The following MYRFL variants were observed in gnomAD, a reference collection of about 807,000 sequenced individuals.
MYRFL encodes myelin regulatory factor-like protein.
In MYRFL, 88 loss-of-function variants were observed where a neutral mutation model predicts 109.4. The observed-to-expected ratio is 0.80, with a 90% CI of 0.68 to 0.96. MYRFL has a LOEUF of 0.96. Among genes scored for constraint, MYRFL ranks in the 40% least tolerant of loss-of-function variants. The pLI, the probability that MYRFL is intolerant of heterozygous loss-of-function variation, is 0.00. For missense variants in MYRFL, 957 were observed against 954.9 expected (o/e 1.00, Z -0.03); for synonymous variants, 324 against 320.9 (o/e 1.01, Z -0.10).
At position 69,891,130 on chromosome 12, in the gene MYRFL, A is replaced by C; in HGVS notation, c.867A>C (p.Pro289=). Residue 289 remains proline (P), a synonymous_variant, in exon 7 of 25, where the codon CCA becomes CCC. Transcript: ENST00000552032. The part of the protein sequence containing the change: ...KFVETEMGLK[P]IEMFYLKVFG... The stretch of plus-strand genomic sequence containing the variant: ...TTGAAACCGAGATGGGCCTAAAGCC[A>C]ATAGAAATGTTTTACTTGAAAGTTT... The C allele has an allele frequency of 6.6e-7, 1 of 1,526,460 alleles. No individual in the cohort carries two copies. The allele number at this position is 1,526,460 out of a possible 1,614,324, so 94.6% of individuals were successfully genotyped here.
chr12:69,856,550 A>G (rs1404146527), intron 2 of MYRFL, among the ~76,000 whole-genome samples: 1 of 152,050 alleles, frequency 6.6e-6, no homozygotes, highest in African/African-American at 2.4e-5. Flanking sequence ...CTTCATTGCC[A>G]ATTCTTGGGT....
chr12:69,853,435 C>G, intron 1 of MYRFL, among the ~76,000 whole-genome samples: 1 of 150,142 alleles, frequency 6.7e-6, no homozygotes, highest in Non-Finnish European at 1.5e-5. Flanking sequence ...ACCTCCCAGA[C>G]GGGGTGGTGG....
At chr12:69,882,124 A>T (rs781263690) in intron 5 of MYRFL, among the ~76,000 whole-genome samples, 2 of 152,160 alleles carry the variant, frequency 1.3e-5, no homozygotes, top group African/African-American at 2.4e-5. Context: ...TTGATTCATC[A>T]CCATCTTCAG....
chr12:69,878,894 C>A, intron 2 of MYRFL, 134 bp from the exon 3 acceptor site: 1 of 658,198 alleles, frequency 1.5e-6, no homozygotes, highest in Middle Eastern at 2.5e-4. Context: ...ACTTCCCAAA[C>A]CCCTCACCCC....
At chr12:69,886,279 A>G (rs1886442992) in intron 5 of MYRFL, among the ~76,000 whole-genome samples, 1 of 152,158 alleles carries the variant, frequency 6.6e-6, no homozygotes, top group South Asian at 2.1e-4. Context: ...CTGTGCTGGC[A>G]TCATTCCCAG....
At chr12:69,867,511 G>C (rs1474447511) in intron 2 of MYRFL, among the ~76,000 whole-genome samples, 1 of 152,150 alleles carries the variant, frequency 6.6e-6, no homozygotes, top group Non-Finnish European at 1.5e-5. Flanking sequence ...TGAGGACACT[G>C]GTGTTTGAAT....
At chr12:69,914,021 C>T (rs1284529256) in intron 13 of MYRFL, among the ~76,000 whole-genome samples, 1 of 152,094 alleles carries the variant, frequency 6.6e-6, no homozygotes, top group Non-Finnish European at 1.5e-5. Flanking sequence ...TACCATGTTG[C>T]TTAGTTAATT....
At chr12:69,932,408 T>G (rs536146288) in intron 15 of MYRFL, 105 bp from the exon 16 acceptor site, 1 of 717,546 alleles carries the variant, frequency 1.4e-6, no homozygotes, top group East Asian at 2.7e-5. Context: ...ACTCAAACTA[T>G]CCCAAGAGAG....
chr12:69,890,314 G>A (rs1285634516), intron 6 of MYRFL, among the ~76,000 whole-genome samples: 1 of 152,136 alleles, frequency 6.6e-6, no homozygotes, highest in Non-Finnish European at 1.5e-5. Flanking sequence ...ACAAGTCTAA[G>A]TAATGTGTTG....
chr12:69,881,485 A>G (rs922606655), intron 5 of MYRFL, among the ~76,000 whole-genome samples: 4 of 152,304 alleles, frequency 2.6e-5, no homozygotes, highest in African/African-American at 7.2e-5. Flanking sequence ...GTGGGAAAAA[A>G]CACAGTCTCT....
At chr12:69,924,814 A>G (rs1466448839) in intron 13 of MYRFL, among the ~76,000 whole-genome samples, 9 of 152,156 alleles carry the variant, frequency 5.9e-5, no homozygotes, top group Non-Finnish European at 1.0e-4. Flanking sequence ...GTTTTCTTGA[A>G]GCAAACATAG....
chr12:69,861,186 C>T (rs1354346746), intron 2 of MYRFL, among the ~76,000 whole-genome samples: 7 of 151,118 alleles, frequency 4.6e-5, no homozygotes, highest in Non-Finnish European at 8.9e-5. Flanking sequence ...TTTGCTATTG[C>T]GAATAGTGCC....
At chr12:69,834,302 A>T (rs1172356092) in intron 1 of MYRFL, among the ~76,000 whole-genome samples, 2 of 152,196 alleles carry the variant, frequency 1.3e-5, no homozygotes, top group Non-Finnish European at 2.9e-5. Flanking sequence ...GCATCATGTG[A>T]CTTGATGCTG....
chr12:69,889,874 A>G (rs1886691951), intron 6 of MYRFL, among the ~76,000 whole-genome samples: 1 of 151,888 alleles, frequency 6.6e-6, no homozygotes, highest in Non-Finnish European at 1.5e-5. Flanking sequence ...AAAGTTTAGG[A>G]TCTTGGAGCA....
At chr12:69,891,901 T>A (rs1366574789) in intron 7 of MYRFL, among the ~76,000 whole-genome samples, 3 of 151,800 alleles carry the variant, frequency 2.0e-5, no homozygotes, top group Non-Finnish European at 2.9e-5. Context: ...GGGCTTCAAT[T>A]CCTGGGCTCA....
At chr12:69,915,033 C>A (rs529101573) in intron 13 of MYRFL, among the ~76,000 whole-genome samples, 1 of 152,170 alleles carries the variant, frequency 6.6e-6, no homozygotes, top group African/African-American at 2.4e-5. Flanking sequence ...CTAGTTTAAC[C>A]CTCAACACGG....
chr12:69,833,372 A>C (rs1037309562), intron 1 of MYRFL, among the ~76,000 whole-genome samples: 2 of 152,200 alleles, frequency 1.3e-5, no homozygotes, highest in Non-Finnish European at 2.9e-5. Context: ...TGCCTATAGA[A>C]TCTGGGGAAA....
intron 1 of MYRFL, among the ~76,000 whole-genome samples, chr12:69,853,646 G>T (rs1237725221): frequency 4.0e-5 from 6 of 148,800 alleles, no homozygotes; most frequent in African/African-American, 1.5e-4. Flanking sequence ...CGGCTGGGCA[G>T]AGGGGCTCCT....
intron 1 of MYRFL, among the ~76,000 whole-genome samples, chr12:69,852,578 A>AT (rs1883938260): frequency 1.8e-5 from 1 of 56,124 alleles, no homozygotes; most frequent in Admixed American, 2.0e-4. Flanking sequence ...TTTAATTTTT[A>AT]ATTTTTTTTT....
Sources: allele counts gnomAD v4.1 joint callset (sites outside exome capture counted in the v4.1 genomes callset), GRCh38; gene constraint gnomAD v4.1.1; transcripts MANE v1.5; gene names NCBI Gene and HGNC (gene_info 2026-07-23, HGNC 2026-07-21).